The following PCDHGC5 variants were observed in gnomAD, a reference collection of about 807,000 sequenced individuals.
The protein encoded by PCDHGC5 is protocadherin gamma-C5.
A neutral mutation model predicts 59.0 loss-of-function variants in PCDHGC5; 25 were observed. The observed-to-expected ratio is 0.42, with a 90% CI of 0.31 to 0.59. The LOEUF is 0.59. Ranked by LOEUF, PCDHGC5 falls within the 20% of genes least tolerant of loss-of-function variation. PCDHGC5 has a pLI of 0.13. For missense variants in PCDHGC5, 1,067 were observed against 1,206.4 expected (o/e 0.88, Z 1.71); for synonymous variants, 434 against 505.5 (o/e 0.86, Z 1.90).
intron 2 of PCDHGC5, among the ~76,000 whole-genome samples, chr5:141,496,186 G>A (rs879940448): frequency 2.0e-5 from 3 of 152,018 alleles, no homozygotes; most frequent in Non-Finnish European, 4.4e-5. Flanking sequence ...AGCAGCCCCA[G>A]CTGCTCATTT....
At chr5:141,507,833 G>C (rs1184502436) in intron 3 of PCDHGC5, among the ~76,000 whole-genome samples, 2 of 152,172 alleles carry the variant, frequency 1.3e-5, no homozygotes, top group East Asian at 3.9e-4. Flanking sequence ...GGAGGTGGTG[G>C]GTCAGGCCCT....
intron 2 of PCDHGC5, among the ~76,000 whole-genome samples, chr5:141,498,872 G>T (rs912789877): frequency 1.4e-4 from 21 of 151,650 alleles, no homozygotes; most frequent in Non-Finnish European, 2.9e-4. Flanking sequence ...GGCGGAGGTT[G>T]CAGTGAGCTG....
chr5:141,503,912 A>AAC (rs34419983), intron 2 of PCDHGC5, among the ~76,000 whole-genome samples: 3 of 152,280 alleles, frequency 2.0e-5, no homozygotes, highest in East Asian at 3.9e-4. Context: ...CACACAACGC[A>AAC]ACACACACAC....
intron 2 of PCDHGC5, among the ~76,000 whole-genome samples, chr5:141,497,478 C>T (rs974494984): frequency 6.0e-5 from 9 of 150,954 alleles, no homozygotes; most frequent in South Asian, 4.2e-4. Context: ...GGAGAAGGTG[C>T]GGAACCTCTC....
chr5:141,511,489 A>G lies in PCDHGC5; in HGVS notation c.*316A>G. 2.3e-6 allele frequency: 1 copy of G among 435,688 alleles called. No individual in the cohort carries two copies. Among genetic ancestry groups the G allele is most frequent in the Non-Finnish European group, 4.2e-6 (1 of 239,908 alleles). The allele number at this position is 435,688 out of a possible 1,614,324, so 27.0% of individuals were successfully genotyped here. ...CGTTTAGTTACAGCTGAACTCCTCC[A>G]TCTTCCAAATCAATCAGGCCCATCC... On this transcript the variant is annotated 3_prime_UTR_variant, in exon 4 of 4. Coordinates refer to ENST00000252087, the MANE Select transcript of PCDHGC5 (RefSeq NM_018929.3).
intron 3 of PCDHGC5, among the ~76,000 whole-genome samples, chr5:141,506,833 C>A (rs1462038297): frequency 1.3e-5 from 2 of 152,092 alleles, no homozygotes; most frequent in African/African-American, 4.8e-5. Context: ...AACTGATAGC[C>A]CTGCCCTCCA....
Position 141,491,140 on chromosome 5 carries a change from T to A in PCDHGC5, c.1900T>A (p.Leu634Ile), listed in dbSNP as rs1392575961. The change falls in exon 1 of 4, where the codon TTA (leucine) becomes ATA (isoleucine). Residue 634 changes from leucine (L) to isoleucine (I), a missense_variant. By Grantham distance (5) the Leu-to-Ile change is conservative (BLOSUM62 2). Coordinates refer to ENST00000252087, the MANE Select transcript of PCDHGC5 (RefSeq NM_018929.3). This position sits in a 1 kb window ranked among gnomAD's most constrained non-coding sequence, Gnocchi z 6.9. ...TGGTGAGGTGCGCACAGCCCGGGCC[T>A]TACTGGAGGATGACTCTGACACCCA... ...HTGEVRTARA[L>I]LEDDSDTQQV... is the part of the protein sequence containing the mutation. 2 of 1,614,110 alleles carry A rather than the reference T, an allele frequency of 1.2e-6. No individual in the cohort carries two copies. Among genetic ancestry groups the A allele is most frequent in the Non-Finnish European group, 1.7e-6 (2 of 1,179,992 alleles).
At chr5:141,499,730 T>C (rs1412528402) in intron 2 of PCDHGC5, among the ~76,000 whole-genome samples, 1 of 143,912 alleles carries the variant, frequency 6.9e-6, no homozygotes, top group East Asian at 2.1e-4. Context: ...AGTCTCACTC[T>C]CTTGCCCAGG....
chr5:141,505,528 C>T (rs746609783), intron 3 of PCDHGC5, 47 bp downstream of exon 3: 4 of 1,612,320 alleles, frequency 2.5e-6, no homozygotes, highest in Non-Finnish European at 3.4e-6. Context: ...ACCTGGGGTT[C>T]TGGGGTGCAT....
In PCDHGC5 at chr5:141,491,832, C is replaced by A; in HGVS notation, c.2460+132C>A. On this transcript the variant is annotated intron_variant, in intron 1 of 3. Coordinates refer to ENST00000252087, the MANE Select transcript of PCDHGC5 (RefSeq NM_018929.3). The surrounding 1 kb of genome is among the most constrained non-coding windows in gnomAD (Gnocchi z 6.9). ...GTCGCTGGCTGCGCTCCACCCGATT[C>A]TCGGGATCATTGGACCGTTTGCGCG... 6.8e-7 allele frequency: 1 copy of A among 1,474,424 alleles called. No individual in the cohort carries two copies. 91.3% of individuals were successfully genotyped at this position (1,474,424 alleles called of 1,614,324 possible).
In PCDHGC5 at chr5:141,491,406, C is replaced by G. The variant is rs773729429; in HGVS notation, c.2166C>G (p.Asp722Glu). The change falls in exon 1 of 4, where the codon GAC (aspartate) becomes GAG (glutamate). Residue 722 changes from aspartate to glutamate, a missense_variant. By Grantham distance (45) the Asp-to-Glu change is conservative. Transcript: ENST00000252087. This position sits in a 1 kb window ranked among gnomAD's most constrained non-coding sequence, Gnocchi z 6.9. ...LSAKCLQGNA[D>E]GDGGGGQCCR... ...CGAAGTGCCTTCAGGGAAACGCAGA[C>G]GGGGACGGGGGTGGAGGGCAGTGCT... 9 of 1,613,978 alleles carry G rather than the reference C, an allele frequency of 5.6e-6. No homozygotes were observed.
rs377248872 is a variant in PCDHGC5 at position 141,489,231 on chromosome 5, C to T, written c.-10C>T. 2 of 1,528,166 alleles carry T rather than the reference C, an allele frequency of 1.3e-6. No homozygotes were observed. The highest frequency in any genetic ancestry group is 1.4e-5 in the African/African-American group (1 of 72,140). The allele number at this position is 1,528,166 out of a possible 1,614,324, so 94.7% of individuals were successfully genotyped here. A position where few individuals can be genotyped will look rare whatever the true frequency, so the allele number is the denominator to read the frequency against. On this transcript the variant is annotated 5_prime_UTR_variant, in exon 1 of 4. Transcript: ENST00000252087. This position sits in a 1 kb window ranked among gnomAD's most constrained non-coding sequence, Gnocchi z 4.5. ...CACAGACTTACTCTCCACAAAGGGA[C>T]TTCTGGGTCATGGGGCCCAAGACAC...
At position 141,491,766 on chromosome 5, in the gene PCDHGC5, T is replaced by G. The variant is rs772444495; in HGVS notation, c.2460+66T>G. On this transcript the variant is annotated intron_variant, in intron 1 of 3. Coordinates refer to ENST00000252087, the MANE Select transcript of PCDHGC5 (RefSeq NM_018929.3). This position sits in a 1 kb window ranked among gnomAD's most constrained non-coding sequence, Gnocchi z 6.9. ...GCACTGGAGAAGCCGCCCGTCCTCA[T>G]AAGGGATTGAACTTGCATCCACTCC... The G allele has an allele frequency of 1.9e-6, 3 of 1,567,856 alleles. No homozygotes were observed. Among genetic ancestry groups the G allele is most frequent in the Non-Finnish European group, 8.6e-7 (1 of 1,158,088 alleles).
intron 2 of PCDHGC5, among the ~76,000 whole-genome samples, chr5:141,503,166 A>T (rs1246987375): frequency 1.3e-5 from 2 of 151,884 alleles, no homozygotes; most frequent in Admixed American, 1.3e-4. Context: ...CACAATTGCA[A>T]TTACTCTATT....
At chr5:141,503,384 C>G (rs898225633) in intron 2 of PCDHGC5, among the ~76,000 whole-genome samples, 1 of 151,906 alleles carries the variant, frequency 6.6e-6, no homozygotes, top group Non-Finnish European at 1.5e-5. Flanking sequence ...ATCATGAGGT[C>G]AGGAGTTCGA....
At chr5:141,494,215 G>T (rs984086536) in intron 1 of PCDHGC5, among the ~76,000 whole-genome samples, 2 of 152,200 alleles carry the variant, frequency 1.3e-5, no homozygotes, top group Non-Finnish European at 2.9e-5. Context: ...GCCCAATCTG[G>T]CATGACTCCT....
chr5:141,507,810 G>A (rs550331241), intron 3 of PCDHGC5, among the ~76,000 whole-genome samples: 1 of 152,290 alleles, frequency 6.6e-6, no homozygotes, highest in African/African-American at 2.4e-5. Context: ...CCTGGGGAAC[G>A]GACCCTGGGG....
chr5:141,496,888 T>TA (rs35063790), intron 2 of PCDHGC5, among the ~76,000 whole-genome samples: 34,968 of 133,936 alleles, frequency 0.26, 4,377 homozygotes, highest in Admixed American at 0.34. Flanking sequence ...AAGTAACACT[T>TA]AAAAAAAAAA....
chr5:141,502,868 T>TTTTTTTTTC (rs1298099288), intron 2 of PCDHGC5, among the ~76,000 whole-genome samples: 1 of 147,026 alleles, frequency 6.8e-6, no homozygotes, highest in Non-Finnish European at 1.5e-5. Flanking sequence ...CTCTCTGTCT[T>TTTTTTTTTC]TTTTTTTTTT....
Sources: gnomAD v4.1 joint callset for allele counts (sites outside exome capture counted in the v4.1 genomes callset) on GRCh38, gnomAD v4.1.1 for gene constraint, Gnocchi (gnomAD v3.1) non-coding constraint, MANE v1.5 for transcripts, NCBI Gene and HGNC (gene_info 2026-07-23, HGNC 2026-07-21) for gene names.